Variants in KIAA0825 observed in about 807,000 individuals in gnomAD.
The protein encoded by KIAA0825 is KIAA0825.
KIAA0825 carries 119 observed loss-of-function variants against 147.6 expected under a neutral mutation model. The observed-to-expected ratio is 0.81, with a 90% CI of 0.69 to 0.94. KIAA0825 has a LOEUF of 0.94. Ranked by LOEUF, KIAA0825 falls within the 40% of genes least tolerant of loss-of-function variation. The pLI is 0.00. For synonymous variants in KIAA0825, 470 were observed against 518.1 expected (o/e 0.91, Z 1.26); for missense variants, 1,381 against 1,472.7 (o/e 0.94, Z 1.02).
intron 20 of KIAA0825, among the ~76,000 whole-genome samples, chr5:94,331,136 A>G (rs528609434): frequency 6.7e-6 from 1 of 149,994 alleles, no homozygotes; most frequent in South Asian, 2.1e-4. Context: ...CTCTGTCTCA[A>G]AAAAAAAAAG....
chr5:94,419,483 G>T (rs1351707842), intron 14 of KIAA0825, among the ~76,000 whole-genome samples: 1 of 151,982 alleles, frequency 6.6e-6, no homozygotes, highest in Non-Finnish European at 1.5e-5. Flanking sequence ...CCCAAATTAT[G>T]TTCCAACCCC....
At chr5:94,401,895 G>A (rs566164585) in intron 16 of KIAA0825, among the ~76,000 whole-genome samples, 1 of 152,110 alleles carries the variant, frequency 6.6e-6, no homozygotes, top group Non-Finnish European at 1.5e-5. Flanking sequence ...TGTCCAGCAT[G>A]TACACATTCT....
At chr5:94,401,669 T>C (rs572536806) in intron 16 of KIAA0825, among the ~76,000 whole-genome samples, 1 of 152,244 alleles carries the variant, frequency 6.6e-6, no homozygotes, top group East Asian at 1.9e-4. Flanking sequence ...TGTGAGATTT[T>C]AGTGAAGTTT....
intron 20 of KIAA0825, among the ~76,000 whole-genome samples, chr5:94,162,766 T>C (rs1414630094): frequency 1.3e-5 from 2 of 152,192 alleles, no homozygotes; most frequent in African/African-American, 4.8e-5. Context: ...TTAGTTTGGC[T>C]CAAGTAGCAT....
In KIAA0825 at chr5:94,171,818, C is replaced by G. The variant is rs534850198; in HGVS notation, c.3711-17694G>C. On this transcript the variant is annotated intron_variant, in intron 20 of 20. Coordinates refer to ENST00000682413, the MANE Select transcript of KIAA0825 (RefSeq NM_001145678.3). ...GTGGTAGTGGCAATGTGATGATTTA[C>G]TGTAGCCAATGAAAATAAGTGAAAG... Among the ~76,000 whole-genome samples the G allele has an allele frequency of 2.0e-5, 3 of 152,136 alleles. No homozygotes were observed. The South Asian group carries it at 6.2e-4, about 32-fold the overall frequency.
chr5:94,432,357 A>T (rs1755792464), intron 14 of KIAA0825, among the ~76,000 whole-genome samples: 1 of 152,174 alleles, frequency 6.6e-6, no homozygotes, highest in Admixed American at 6.5e-5. Context: ...GCACTTAAAG[A>T]CAAGAAGCCT....
rs145392465 is a variant in KIAA0825, at chr5:94,555,634, A to G, written c.-1-18507T>C. On this transcript the variant is annotated intron_variant, in intron 2 of 20. Coordinates refer to ENST00000682413, the MANE Select transcript of KIAA0825 (RefSeq NM_001145678.3). ...AGCAAACAGAATTAATTGTCATGTGATTTGCTCACCAATTCTGACATTGCT... is the reference window on the plus strand; with the variant it reads ...AGCAAACAGAATTAATTGTCATGTGGTTTGCTCACCAATTCTGACATTGCT... Among the ~76,000 whole-genome samples, 28 of 152,298 alleles carry G rather than the reference A, an allele frequency of 1.8e-4. No individual in the cohort carries two copies. The East Asian group carries it at 5.4e-3, about 29-fold the overall frequency.
intron 6 of KIAA0825, among the ~76,000 whole-genome samples, chr5:94,480,397 T>C (rs1762363536): frequency 6.6e-6 from 1 of 152,110 alleles, no homozygotes; most frequent in South Asian, 2.1e-4. Context: ...TTTTCAGTTT[T>C]TTAGAACAGA....
intron 7 of KIAA0825, among the ~76,000 whole-genome samples, chr5:94,473,835 C>T (rs1761516390): frequency 6.6e-6 from 1 of 152,136 alleles, no homozygotes; most frequent in South Asian, 2.1e-4. Context: ...CAGAAAGCTA[C>T]AGTTACTATT....
Position 94,582,477 on chromosome 5 carries a change from T to C in KIAA0825, c.-46A>G, listed in dbSNP as rs548917831. ...CACTAAGAATGAACTGGTCTTCGAATCCTAAGGAGGTAGAAAATTATTTCC... is the reference window on the plus strand; with the variant it reads ...CACTAAGAATGAACTGGTCTTCGAACCCTAAGGAGGTAGAAAATTATTTCC... On this transcript the variant is annotated 5_prime_UTR_variant, in exon 2 of 21. Coordinates refer to ENST00000682413, the MANE Select transcript of KIAA0825 (RefSeq NM_001145678.3). 4 of 152,336 alleles carry C rather than the reference T, an allele frequency of 2.6e-5. No individual in the cohort carries two copies. The East Asian group carries it at 7.7e-4, about 29-fold the overall frequency. 9.4% of individuals were successfully genotyped at this position (152,336 alleles called of 1,614,324 possible).
At chr5:94,261,157 G>C (rs920773395) in intron 20 of KIAA0825, among the ~76,000 whole-genome samples, 7 of 151,834 alleles carry the variant, frequency 4.6e-5, no homozygotes. Flanking sequence ...TTTAAAATTA[G>C]CTGGGCGTGG....
chr5:94,412,035 C>T (rs1296644776), intron 15 of KIAA0825, among the ~76,000 whole-genome samples: 1 of 151,638 alleles, frequency 6.6e-6, no homozygotes, highest in Non-Finnish European at 1.5e-5. Flanking sequence ...AAAAGTAAGC[C>T]ATAGACAGGG....
At chr5:94,364,649 T>TG (rs1745578447) in intron 20 of KIAA0825, among the ~76,000 whole-genome samples, 2 of 152,172 alleles carry the variant, frequency 1.3e-5, no homozygotes, top group South Asian at 4.1e-4. Flanking sequence ...CCCAAAGTGC[T>TG]GGGATTAATG....
At chr5:94,347,831 T>C (rs904445407) in intron 20 of KIAA0825, among the ~76,000 whole-genome samples, 1 of 152,162 alleles carries the variant, frequency 6.6e-6, no homozygotes, top group Non-Finnish European at 1.5e-5. Flanking sequence ...GGAGATTAGT[T>C]ATTAAGCTAA....
At chr5:94,370,292 G>C (rs1277106962) in intron 20 of KIAA0825, among the ~76,000 whole-genome samples, 3 of 152,156 alleles carry the variant, frequency 2.0e-5, no homozygotes, top group Non-Finnish European at 4.4e-5. Context: ...AGTAACAAAG[G>C]GTCAGCACAG....
intron 20 of KIAA0825, among the ~76,000 whole-genome samples, chr5:94,279,243 T>G (rs1024169506): frequency 2.6e-5 from 4 of 152,050 alleles, no homozygotes; most frequent in Admixed American, 2.6e-4. Context: ...GAGACTAATA[T>G]GAACTACAAA....
intron 5 of KIAA0825, among the ~76,000 whole-genome samples, chr5:94,501,383 T>C (rs2151117859): frequency 1.3e-5 from 2 of 152,376 alleles, no homozygotes; most frequent in Middle Eastern, 6.8e-3. Flanking sequence ...AGGAAGGTTT[T>C]ATTTTTATCA....
Position 94,514,103 on chromosome 5 carries a change from ATAATGCTAGC to A in KIAA0825, c.970+6135_970+6144del, listed in dbSNP as rs1243061079. The stretch of plus-strand genomic sequence containing the variant: ...AAAAATATAGATGCATCTTGCAACC[ATAATGCTAGC>A]TAATGCTATTGTTATTAATTAATTA... On this transcript the variant is annotated intron_variant, in intron 5 of 20. Transcript: ENST00000682413. 5.9e-5 allele frequency among the ~76,000 whole-genome samples: 9 copies of A among 152,290 alleles called. No individual in the cohort carries two copies. In the East Asian group the frequency reaches 1.7e-3, roughly 29 times the overall value.
intron 20 of KIAA0825, among the ~76,000 whole-genome samples, chr5:94,251,663 G>A (rs1465046300): frequency 1.3e-5 from 2 of 152,042 alleles, no homozygotes; most frequent in Admixed American, 1.3e-4. Context: ...ATCTTTACAT[G>A]CAAAAGTTAG....
Sources: gnomAD v4.1 joint callset for allele counts (sites outside exome capture counted in the v4.1 genomes callset) on GRCh38, gnomAD v4.1.1 for gene constraint, MANE v1.5 for transcripts, NCBI Gene and HGNC (gene_info 2026-07-23, HGNC 2026-07-21) for gene names.